CTNNA2: variants seen among roughly 807,000 people sequenced by gnomAD.
CTNNA2 encodes the protein catenin alpha 2.
CTNNA2 carries 42 observed loss-of-function variants against 101.0 expected under a neutral mutation model. The ratio of observed to expected loss-of-function variants is 0.42; its 90% confidence interval spans 0.32 to 0.54. The LOEUF (loss-of-function observed/expected upper bound fraction) is 0.54. Ranked by LOEUF, CTNNA2 falls within the 20% of genes least tolerant of loss-of-function variation. CTNNA2 has a pLI of 0.14. For synonymous variants in CTNNA2, 450 were observed against 456.4 expected, an observed-to-expected ratio of 0.99 and a Z score of 0.18; for missense variants, 871 against 1,223.1, an observed-to-expected ratio of 0.71 and a Z score of 4.29.
chr2:79,772,673 A>G (rs1315364523), intron 3 of CTNNA2, among the ~76,000 whole-genome samples: 1 of 152,090 alleles, frequency 6.6e-6, no homozygotes, highest in African/African-American at 2.4e-5. Context: ...ACTGAGCTCA[A>G]GCGGTTCTCC....
rs200387230 is a variant in CTNNA2, at chr2:80,303,721, G to T, written c.1057-89490G>T. On this transcript the variant is annotated intron_variant, in intron 7 of 18. Transcript: ENST00000402739. The surrounding 1 kb of genome is among the most constrained non-coding windows in gnomAD (Gnocchi z 7.7). ...GCTGCGGGCACCCGCTGGGGGCGGC[G>T]GGCAGCATCTGAAAGCAGGCCCCCA... 191 of 1,606,334 alleles carry T rather than the reference G, an allele frequency of 1.2e-4. 1 individual carries two copies. The African/African-American group carries it at 1.8e-3, about 15-fold the overall frequency.
intron 7 of CTNNA2, among the ~76,000 whole-genome samples, chr2:80,191,981 A>T (rs1006418013): frequency 6.6e-6 from 1 of 152,232 alleles, no homozygotes; most frequent in Admixed American, 6.5e-5. Context: ...AAGTAGAATT[A>T]TTCAGAGCAT....
intron 1 of CTNNA2, among the ~76,000 whole-genome samples, chr2:79,589,722 C>G (rs1203365831): frequency 6.6e-6 from 1 of 151,250 alleles, no homozygotes. Flanking sequence ...TTTTTTCCCC[C>G]CCCCGAGACA....
chr2:79,384,198 C>T (rs570607928), intron 4 of CTNNA2, among the ~76,000 whole-genome samples: 1 of 152,290 alleles, frequency 6.6e-6, no homozygotes, highest in Non-Finnish European at 1.5e-5. Flanking sequence ...TTTCATGCTG[C>T]TTTAATTAAA....
chr2:80,267,449 A>G (rs916903190), intron 7 of CTNNA2, among the ~76,000 whole-genome samples: 4 of 152,188 alleles, frequency 2.6e-5, no homozygotes. Context: ...GCTCACCAAT[A>G]GCCTAATTGG....
chr2:79,477,168 CTTTTTTTT>C (rs5832392), intron 4 of CTNNA2, among the ~76,000 whole-genome samples: 1 of 123,148 alleles, frequency 8.1e-6, no homozygotes, highest in Non-Finnish European at 1.6e-5. Context: ...TCTTTTTTTT[CTTTTTTTT>C]TTTTTTGTTT....
At chr2:80,468,953 A>C (rs1199531409) in intron 9 of CTNNA2, among the ~76,000 whole-genome samples, 1 of 152,080 alleles carries the variant, frequency 6.6e-6, no homozygotes, top group African/African-American at 2.4e-5. Flanking sequence ...AACCAAATGA[A>C]AGCTAAATTT....
chr2:79,747,715 G>T (rs114460942), intron 3 of CTNNA2, among the ~76,000 whole-genome samples: 1 of 152,200 alleles, frequency 6.6e-6, no homozygotes, highest in African/African-American at 2.4e-5. Flanking sequence ...TATCCTAGGA[G>T]TATTGGAGTA....
intron 1 of CTNNA2, among the ~76,000 whole-genome samples, chr2:79,606,416 C>G (rs372232721): frequency 2.0e-5 from 3 of 151,992 alleles, no homozygotes; most frequent in East Asian, 1.9e-4. Flanking sequence ...TACAGACACC[C>G]GCCAGCACGC....
chr2:79,882,870 C>T (rs1379237541), intron 6 of CTNNA2, among the ~76,000 whole-genome samples: 2 of 152,220 alleles, frequency 1.3e-5, no homozygotes, highest in Non-Finnish European at 2.9e-5. Context: ...GTGGGTTGCA[C>T]ATTTCCATGA....
At chr2:79,367,279 G>A (rs1240543624) in intron 3 of CTNNA2, among the ~76,000 whole-genome samples, 1 of 152,180 alleles carries the variant, frequency 6.6e-6, no homozygotes, top group Non-Finnish European at 1.5e-5. Flanking sequence ...CTCCAGAGCT[G>A]TTAGAAAATA....
intron 7 of CTNNA2, among the ~76,000 whole-genome samples, chr2:80,207,571 G>A (rs1011499113): frequency 6.6e-6 from 1 of 152,176 alleles, no homozygotes; most frequent in Non-Finnish European, 1.5e-5. Context: ...AATAACTAAG[G>A]GATAGAGTTG....
At chr2:80,217,560 T>G (rs1462460693) in intron 7 of CTNNA2, among the ~76,000 whole-genome samples, 2 of 152,192 alleles carry the variant, frequency 1.3e-5, no homozygotes, top group Admixed American at 1.3e-4. Flanking sequence ...AAATGTTACT[T>G]CCTTACTCCC....
intron 7 of CTNNA2, among the ~76,000 whole-genome samples, chr2:80,084,573 A>C (rs1699331798): frequency 6.6e-6 from 1 of 152,122 alleles, no homozygotes. Flanking sequence ...AATTATAATA[A>C]GTAGTTATTA....
chr2:79,521,150 AT>A (rs1558695187), intron 1 of CTNNA2, among the ~76,000 whole-genome samples: 24 of 67,258 alleles, frequency 3.6e-4, no homozygotes, highest in African/African-American at 1.1e-3. Flanking sequence ...ATATATATAT[AT>A]ATATATATAT....
intron 7 of CTNNA2, among the ~76,000 whole-genome samples, chr2:79,959,852 C>T (rs1689507474): frequency 6.6e-6 from 1 of 152,176 alleles, no homozygotes; most frequent in Non-Finnish European, 1.5e-5. Context: ...CTGAATGGTA[C>T]TTACTATGTT....
At chr2:79,703,965 A>G (rs968700997) in intron 2 of CTNNA2, among the ~76,000 whole-genome samples, 2 of 152,072 alleles carry the variant, frequency 1.3e-5, no homozygotes, top group African/African-American at 2.4e-5. Flanking sequence ...TGATAAGTTT[A>G]TATCTCTTTT....
intron 2 of CTNNA2, among the ~76,000 whole-genome samples, chr2:79,703,766 TA>T (rs1400539771): frequency 6.6e-6 from 1 of 152,194 alleles, no homozygotes; most frequent in Non-Finnish European, 1.5e-5. Flanking sequence ...ACTTCTACAT[TA>T]AAATCTCTTA....
At chr2:80,075,977 A>G (rs1326355607) in intron 7 of CTNNA2, among the ~76,000 whole-genome samples, 3 of 151,838 alleles carry the variant, frequency 2.0e-5, no homozygotes, top group African/African-American at 7.3e-5. Context: ...AGGTAGTTTA[A>G]GGACTTTACC....
Sources: gnomAD v4.1 joint callset for allele counts (sites outside exome capture counted in the v4.1 genomes callset) on GRCh38, gnomAD v4.1.1 for gene constraint, Gnocchi (gnomAD v3.1) non-coding constraint, MANE v1.5 for transcripts, NCBI Gene and HGNC (gene_info 2026-07-23, HGNC 2026-07-21) for gene names.